Variants in CORIN observed in about 807,000 individuals in gnomAD.
CORIN encodes corin, serine peptidase, also known as atrial natriuretic peptide-converting enzyme.
A neutral mutation model predicts 125.3 loss-of-function variants in CORIN; 117 were observed. The ratio of observed to expected loss-of-function variants is 0.93; its 90% CI spans 0.80 to 1.09. The LOEUF is 1.09. Among genes scored for constraint, CORIN ranks in the 50% least tolerant of loss-of-function variants. CORIN has a pLI of 0.00. For missense variants in CORIN, 1,253 were observed against 1,306.7 expected, an observed-to-expected ratio of 0.96 and a Z score of 0.63; for synonymous variants, 450 against 466.4, an observed-to-expected ratio of 0.96 and a Z score of 0.45.
At chr4:47,637,025 A>G (rs1446744113) in intron 16 of CORIN, among the ~76,000 whole-genome samples, 1 of 152,214 alleles carries the variant, frequency 6.6e-6, no homozygotes, top group Non-Finnish European at 1.5e-5. Flanking sequence ...GATATGGACA[A>G]TAAAGTCCAT....
intron 20 of CORIN, 108 bp from the exon 21 acceptor site, chr4:47,600,455 T>A (rs910719324): frequency 5.5e-5 from 40 of 723,128 alleles, no homozygotes; most frequent in Non-Finnish European, 7.5e-5. Flanking sequence ...AATATTTTTA[T>A]ACCAAGAGAG....
chr4:47,617,563 G>T (rs1255643876), intron 19 of CORIN, among the ~76,000 whole-genome samples: 2 of 152,210 alleles, frequency 1.3e-5, no homozygotes. Flanking sequence ...GAGTCACCTA[G>T]GGATTTTTAA....
intron 1 of CORIN, among the ~76,000 whole-genome samples, chr4:47,837,667 G>A (rs1273979739): frequency 6.6e-6 from 1 of 152,224 alleles, no homozygotes; most frequent in Non-Finnish European, 1.5e-5. Context: ...CTCGGACGCC[G>A]GGCGACCGGG....
At chr4:47,706,548 C>G (rs1726566714) in intron 5 of CORIN, 15 of 1,610,178 alleles carry the variant, frequency 9.3e-6, no homozygotes, top group Admixed American at 1.7e-5. Flanking sequence ...AGCAAGGTTA[C>G]GTTATACATA....
At chr4:47,630,146 TC>T (rs1722751475) in intron 16 of CORIN, among the ~76,000 whole-genome samples, 1 of 152,190 alleles carries the variant, frequency 6.6e-6, no homozygotes, top group African/African-American at 2.4e-5. Flanking sequence ...TCGTAAACAT[TC>T]ACCTTCGCCT....
At chr4:47,822,709 A>G (rs1347187809) in intron 1 of CORIN, among the ~76,000 whole-genome samples, 1 of 152,194 alleles carries the variant, frequency 6.6e-6, no homozygotes, top group Non-Finnish European at 1.5e-5. Flanking sequence ...TGACAGTCAT[A>G]TCCAACACAT....
At chr4:47,601,431 C>T (rs1256295804) in intron 20 of CORIN, among the ~76,000 whole-genome samples, 6 of 152,002 alleles carry the variant, frequency 3.9e-5, no homozygotes, top group Admixed American at 6.6e-5. Context: ...CAGCCTCCAC[C>T]TTCAAGGCTC....
intron 2 of CORIN, 70 bp downstream of exon 2, chr4:47,806,833 G>T: frequency 6.8e-7 from 1 of 1,477,082 alleles, no homozygotes; most frequent in Non-Finnish European, 9.1e-7. Flanking sequence ...GTACTAAGTA[G>T]AAATCACTCT....
chr4:47,802,280 C>T (rs929376678), intron 2 of CORIN, among the ~76,000 whole-genome samples: 5 of 152,148 alleles, frequency 3.3e-5, no homozygotes, highest in African/African-American at 1.2e-4. Flanking sequence ...TGCTTGGCCT[C>T]GGTGGGGTAG....
chr4:47,748,146 C>T (rs529616153), intron 4 of CORIN, among the ~76,000 whole-genome samples: 1 of 152,292 alleles, frequency 6.6e-6, no homozygotes, highest in East Asian at 1.9e-4. Context: ...GTATTAATAA[C>T]TAGCAACACT....
At chr4:47,697,238 TG>T (rs762392957) in intron 5 of CORIN, among the ~76,000 whole-genome samples, 59 of 152,162 alleles carry the variant, frequency 3.9e-4, no homozygotes, top group Middle Eastern at 6.8e-3. Flanking sequence ...GTAAAAGGAT[TG>T]GGGTAAAAGA....
chr4:47,603,140 T>TGAA (rs746302536), intron 20 of CORIN, among the ~76,000 whole-genome samples: 8 of 152,166 alleles, frequency 5.3e-5, no homozygotes, highest in Non-Finnish European at 1.0e-4. Flanking sequence ...GGGGGGCAGT[T>TGAA]ACCCTCTTGA....
At chr4:47,730,387 C>T (rs1049035262) in intron 5 of CORIN, among the ~76,000 whole-genome samples, 3 of 150,368 alleles carry the variant, frequency 2.0e-5, no homozygotes, top group South Asian at 2.1e-4. Context: ...GCAGGAGAAT[C>T]GCATGAACCC....
At chr4:47,787,870 T>C (rs529948779) in intron 2 of CORIN, among the ~76,000 whole-genome samples, 2 of 152,368 alleles carry the variant, frequency 1.3e-5, no homozygotes, top group Non-Finnish European at 2.9e-5. Context: ...CTCCCACTTA[T>C]GAGTGAGAAC....
intron 12 of CORIN, among the ~76,000 whole-genome samples, chr4:47,660,236 G>T (rs936449527): frequency 3.3e-5 from 5 of 152,106 alleles, no homozygotes; most frequent in Non-Finnish European, 7.4e-5. Context: ...GAAACTACTA[G>T]AAGAAAACAT....
chr4:47,762,679 T>C (rs1412118780), intron 4 of CORIN, among the ~76,000 whole-genome samples: 1 of 152,210 alleles, frequency 6.6e-6, no homozygotes, highest in Non-Finnish European at 1.5e-5. Flanking sequence ...ACTTTTGAAC[T>C]GATGAGATTT....
intron 19 of CORIN, among the ~76,000 whole-genome samples, chr4:47,614,083 T>C (rs1486306814): frequency 6.6e-6 from 1 of 152,072 alleles, no homozygotes; most frequent in Non-Finnish European, 1.5e-5. Context: ...ATGTGCAAAA[T>C]AGAACAAGAA....
intron 3 of CORIN, among the ~76,000 whole-genome samples, chr4:47,772,311 T>C (rs1730081563): frequency 6.6e-6 from 1 of 152,194 alleles, no homozygotes; most frequent in Non-Finnish European, 1.5e-5. Flanking sequence ...GGCCGATGTG[T>C]AGGAAGAGGC....
chr4:47,768,161 T>C (rs1729852673), intron 3 of CORIN, among the ~76,000 whole-genome samples: 1 of 152,190 alleles, frequency 6.6e-6, no homozygotes, highest in Admixed American at 6.5e-5. Flanking sequence ...CCTTTGACTG[T>C]AATTTTCCAC....
Sources: allele counts gnomAD v4.1 joint callset (sites outside exome capture counted in the v4.1 genomes callset), GRCh38; gene constraint gnomAD v4.1.1; transcripts MANE v1.5; gene names NCBI Gene and HGNC (gene_info 2026-07-23, HGNC 2026-07-21).